The following RIF1 variants were observed in gnomAD, a reference collection of about 807,000 sequenced individuals.
RIF1 encodes the protein telomere-associated protein RIF1.
RIF1 carries 45 observed loss-of-function variants against 247.1 expected under a neutral mutation model. The observed-to-expected ratio is 0.18, with a 90% CI of 0.14 to 0.23. RIF1 has a LOEUF of 0.23. Ranked by LOEUF, RIF1 falls within the 10% of genes least tolerant of loss-of-function variation. The pLI is 1.00. For synonymous variants in RIF1, 1,087 were observed against 978.8 expected, an observed-to-expected ratio of 1.11 and a Z score of -2.06; for missense variants, 2,967 against 2,862.5, an observed-to-expected ratio of 1.04 and a Z score of -0.83.
At chr2:151,488,122 TC>T (rs1352965695) in intron 9 of RIF1, among the ~76,000 whole-genome samples, 3 of 152,160 alleles carry the variant, frequency 2.0e-5, no homozygotes, top group Non-Finnish European at 4.4e-5. Context: ...TTCTTAGTCT[TC>T]CAAGTCCTAT....
intron 8 of RIF1, among the ~76,000 whole-genome samples, chr2:151,426,765 G>C (rs1365177921): frequency 6.6e-6 from 1 of 151,824 alleles, no homozygotes; most frequent in African/African-American, 2.4e-5. Context: ...TCCTGCCTCG[G>C]CCTCCCGAGT....
At chr2:151,534,229 C>G in the RIF1 span, 1 of 1,613,370 alleles carries the variant, frequency 6.2e-7, no homozygotes, top group Non-Finnish European at 8.5e-7. Flanking sequence ...CTGATCTGGT[C>G]GCCTGCGGTC....
chr2:151,484,869 T>C (rs78481438), downstream of RIF1, among the ~76,000 whole-genome samples: 18 of 152,312 alleles, frequency 1.2e-4, 1 homozygote, highest in East Asian at 3.3e-3. Context: ...GTGCCTGGCA[T>C]AGAGGTGTAC....
chr2:151,435,632 C>G, intron 11 of RIF1, 52 bp downstream of exon 11: 1 of 963,834 alleles, frequency 1.0e-6, no homozygotes, highest in East Asian at 2.4e-5. Flanking sequence ...CTTTGTTGAC[C>G]TAGAAGCATA....
chr2:151,445,491 T>C (rs201955513), intron 19 of RIF1, 46 bp downstream of exon 19: 2 of 958,166 alleles, frequency 2.1e-6, no homozygotes, highest in African/African-American at 1.6e-5. Context: ...TGTATTTTTC[T>C]GAAAATATTA....
chr2:151,447,195 G>A (rs1376806741), intron 20 of RIF1, among the ~76,000 whole-genome samples: 7 of 151,624 alleles, frequency 4.6e-5, no homozygotes, highest in South Asian at 2.1e-4. Flanking sequence ...CGCCCGCCTC[G>A]GCCTCCCAAA....
Position 151,463,910 on chromosome 2 carries a change from C to A in RIF1, c.4390C>A (p.Pro1464Thr). 3 of 1,613,376 alleles carry A rather than the reference C, an allele frequency of 1.9e-6. No homozygotes were observed. The highest frequency in any genetic ancestry group is 2.5e-6 in the Non-Finnish European group (3 of 1,179,842). ...ATTGCATATAAAAGATGATGTGTTA[C>A]CTAAACAAAAACTGATTGCTGAACA... Reference protein sequence around the residue: ...SPLHIKDDVLPKQKLIAEQTL... With the variant: ...SPLHIKDDVLTKQKLIAEQTL... The change falls in exon 30 of 36, where the codon CCT (proline) becomes ACT (threonine). Residue 1464 changes from proline (P) to threonine (T), a missense_variant. Around this residue, in one of 7 missense-constraint regions of RIF1, gnomAD observed 2,028 missense variants for 1,825.6 expected, o/e 1.11. Coordinates refer to ENST00000444746, the MANE Select transcript of RIF1 (RefSeq NM_018151.5).
rs147731919 is a variant in RIF1, at chr2:151,420,337, A to G, written c.651A>G (p.Lys217=). Residue 217 remains lysine, a synonymous_variant, in exon 7 of 36, where the codon AAA becomes AAG. Coordinates refer to ENST00000444746, the MANE Select transcript of RIF1 (RefSeq NM_018151.5). ...TGGGAATGCCATTATTGCTTCAGAAACAGCAAGAAATAGCATCTATTACGG... is the reference window on the plus strand; with the variant it reads ...TGGGAATGCCATTATTGCTTCAGAAGCAGCAAGAAATAGCATCTATTACGG... ...LEMGMPLLLQ[K]QQEIASITEQ... is the part of the protein sequence containing the mutation. The G allele has an allele frequency of 1.3e-4, 211 of 1,614,172 alleles. 1 individual carries two copies. In the South Asian group the frequency reaches 1.8e-3, roughly 14 times the overall value.
chr2:151,513,064 A>G, the RIF1 span, among the ~76,000 whole-genome samples: 7 of 152,194 alleles, frequency 4.6e-5, no homozygotes, highest in Non-Finnish European at 8.8e-5. Flanking sequence ...TGGATGCAGG[A>G]TGGGATATGG....
At chr2:151,429,689 T>G (rs903114998) in intron 9 of RIF1, among the ~76,000 whole-genome samples, 1 of 152,224 alleles carries the variant, frequency 6.6e-6, no homozygotes. Flanking sequence ...CCTTACTTCT[T>G]TCAGGATCTC....
chr2:151,490,158 T>C (rs1183914657), intron 9 of RIF1: 4 of 1,240,260 alleles, frequency 3.2e-6, no homozygotes, highest in Non-Finnish European at 4.6e-6. Flanking sequence ...CTGAGTGATG[T>C]CTTTTTCCCC....
chr2:151,485,500 T>G (rs561703073), downstream of RIF1: 2 of 321,054 alleles, frequency 6.2e-6, no homozygotes, highest in Non-Finnish European at 1.1e-5. Context: ...AATCCCTGTT[T>G]TAGAAAAGAA....
At chr2:151,495,905 A>C (rs75797633) in intron 10 of RIF1, among the ~76,000 whole-genome samples, 1 of 152,116 alleles carries the variant, frequency 6.6e-6, no homozygotes, top group South Asian at 2.1e-4. Context: ...ACACAACAAA[A>C]TCATATTTAA....
the RIF1 span, chr2:151,531,218 G>T: frequency 1.5e-6 from 1 of 681,842 alleles, no homozygotes; most frequent in Non-Finnish European, 2.5e-6. Context: ...CTATGAATTT[G>T]ACAGGTGCTT....
chr2:151,518,302 G>A, the RIF1 span: 40 of 1,547,276 alleles, frequency 2.6e-5, no homozygotes, highest in Admixed American at 6.3e-4. Context: ...GGAAAAATCG[G>A]TCTTGATCCA....
rs375999794 is a variant in RIF1, at chr2:151,422,942, G to T, written c.694-8G>T. On this transcript the variant is annotated splice_region_variant and splice_polypyrimidine_tract_variant and intron_variant, in intron 7 of 35. Transcript: ENST00000444746. ...TCTGTTTGGTAAATTAATTGCTTTT[G>T]TTTGCAGAAATTAATCTCAGAACTT... The T allele has an allele frequency of 1.4e-6, 2 of 1,457,610 alleles. No homozygotes were observed. Among genetic ancestry groups the T allele is most frequent in the East Asian group, 2.3e-5 (1 of 43,498 alleles). 90.3% of individuals were successfully genotyped at this position (1,457,610 alleles called of 1,614,324 possible).
At chr2:151,448,365 A>G (rs1693687545) in intron 20 of RIF1, among the ~76,000 whole-genome samples, 1 of 152,172 alleles carries the variant, frequency 6.6e-6, no homozygotes, top group South Asian at 2.1e-4. Context: ...TTCTTATTGT[A>G]AAAGATTACA....
chr2:151,420,547 G>T (rs1687985603), intron 7 of RIF1, among the ~76,000 whole-genome samples, 168 bp downstream of exon 7: 1 of 151,972 alleles, frequency 6.6e-6, no homozygotes, highest in African/African-American at 2.4e-5. Context: ...ACCCATCTGG[G>T]CAACATAGTG....
intron 23 of RIF1, among the ~76,000 whole-genome samples, chr2:151,457,058 T>A (rs1033812832): frequency 6.6e-6 from 1 of 152,076 alleles, no homozygotes; most frequent in African/African-American, 2.4e-5. Context: ...AATGGACATT[T>A]AATAACACCA....
Sources: allele counts gnomAD v4.1 joint callset (sites outside exome capture counted in the v4.1 genomes callset), GRCh38; gene constraint gnomAD v4.1.1; regional missense constraint gnomAD v4.1.1; transcripts MANE v1.5; gene names NCBI Gene and HGNC (gene_info 2026-07-23, HGNC 2026-07-21).